PRDM1: variants seen among roughly 807,000 people sequenced by gnomAD.
The protein encoded by PRDM1 is PR/SET domain 1, also known as PR domain zinc finger protein 1.
In PRDM1, 13 loss-of-function variants were observed where a neutral mutation model predicts 62.8. The ratio of observed to expected loss-of-function variants is 0.21; its 90% CI spans 0.13 to 0.33. The LOEUF is 0.33. Among genes scored for constraint, PRDM1 ranks in the 10% least tolerant of loss-of-function variants. The probability of loss-of-function intolerance (pLI) is 1.00; values close to 1 mark genes in which losing one functional copy is unlikely to be tolerated. For missense variants in PRDM1, 895 were observed against 1,058.8 expected (o/e 0.85, Z 2.15); for synonymous variants, 396 against 417.6 (o/e 0.95, Z 0.63).
At chr6:106,090,147 T>A (rs1328635095) in intron 2 of PRDM1, among the ~76,000 whole-genome samples, 1 of 152,204 alleles carries the variant, frequency 6.6e-6, no homozygotes, top group Non-Finnish European at 1.5e-5. Context: ...TTCTGACTTC[T>A]CCAATGAGTG....
intron 1 of PRDM1, among the ~76,000 whole-genome samples, chr6:106,032,533 G>T (rs1772859212): frequency 6.6e-6 from 1 of 152,090 alleles, no homozygotes; most frequent in African/African-American, 2.4e-5. Flanking sequence ...CGCCTCCTGG[G>T]TTCAAGCAAT....
intron 1 of PRDM1, among the ~76,000 whole-genome samples, chr6:106,078,582 A>C (rs79641073): frequency 0.026 from 4,027 of 152,320 alleles, 170 homozygotes; most frequent in African/African-American, 0.091. Flanking sequence ...ACTTAAGTTA[A>C]ACAGCATGGC....
chr6:106,034,627 T>TTCTC lies in PRDM1; in HGVS notation c.-67+40994_-67+40997dup, dbSNP rs759981436. 3.7e-3 allele frequency among the ~76,000 whole-genome samples: 431 copies of TTCTC among 118,070 alleles called. 24 individuals are homozygous for TTCTC. The highest frequency in any genetic ancestry group is 0.016 in the Middle Eastern group (3 of 188). The allele number at this position is 118,070 out of a possible 152,430, so 77.5% of individuals were successfully genotyped here. ...CACTACAGTCTTACAGTCTTTCATG[T>TTCTC]TCTCTCTCTTTTTTTTTTTTTTTTT... is the stretch of plus-strand genomic sequence containing the variant. On this transcript the variant is annotated intron_variant, in intron 1 of 6. Transcript: ENST00000652320.
At chr6:106,062,933 C>G (rs78095969) in intron 1 of PRDM1, among the ~76,000 whole-genome samples, 1 of 152,144 alleles carries the variant, frequency 6.6e-6, no homozygotes, top group Non-Finnish European at 1.5e-5. Context: ...CCCCCAAAAA[C>G]GCCTAAATGA....
At position 106,105,309 on chromosome 6, in the gene PRDM1, G is replaced by A. The variant is rs750515225; in HGVS notation, c.1149G>A (p.Thr383=). 2 of 1,613,158 alleles carry A rather than the reference G, an allele frequency of 1.2e-6. No individual in the cohort carries two copies. Among genetic ancestry groups the A allele is most frequent in the Non-Finnish European group, 1.7e-6 (2 of 1,179,450 alleles). The change falls in exon 5 of 7, where the codon ACG becomes ACA. Residue 383 remains threonine, a synonymous_variant. Transcript: ENST00000369096. ...CTTACTTGAACGCGTCCTACGGCAC[G>A]GAAGGTTTGGGCTCCTACCCTGGCT... ...SYAYLNASYG[T]EGLGSYPGYA...
intron 1 of PRDM1, among the ~76,000 whole-genome samples, chr6:106,016,779 C>A (rs552250597): frequency 6.6e-6 from 1 of 151,484 alleles, no homozygotes; most frequent in Non-Finnish European, 1.5e-5. Flanking sequence ...CCCCGAGTGT[C>A]TGTGATAACA....
chr6:106,062,059 C>T (rs951367332), intron 1 of PRDM1, among the ~76,000 whole-genome samples: 1 of 152,144 alleles, frequency 6.6e-6, no homozygotes, highest in African/African-American at 2.4e-5. Flanking sequence ...TGAATACATT[C>T]ATCAGTGTTG....
intron 1 of PRDM1, among the ~76,000 whole-genome samples, chr6:106,030,571 G>C (rs780269039): frequency 1.3e-5 from 2 of 152,052 alleles, no homozygotes; most frequent in Non-Finnish European, 2.9e-5. Flanking sequence ...TTTGACGGGG[G>C]TGGGGGGCAG....
intron 2 of PRDM1, among the ~76,000 whole-genome samples, 183 bp from the exon 3 acceptor site, chr6:106,095,432 A>G (rs976175431): frequency 6.6e-6 from 1 of 152,226 alleles, no homozygotes; most frequent in Non-Finnish European, 1.5e-5. Context: ...TCAGACTTTA[A>G]AAGATGGTCT....
upstream of PRDM1, among the ~76,000 whole-genome samples, chr6:106,085,802 G>C (rs1773786122): frequency 1.4e-5 from 2 of 138,118 alleles, no homozygotes; most frequent in Non-Finnish European, 3.0e-5. Context: ...AGGAAAGTTA[G>C]TTCTGCCAAG....
intron 1 of PRDM1, among the ~76,000 whole-genome samples, chr6:106,035,925 G>GT (rs2114571383): frequency 6.6e-6 from 1 of 151,996 alleles, no homozygotes; most frequent in African/African-American, 2.4e-5. Flanking sequence ...TCTTTTTTAT[G>GT]TTTTTTAAAT....
At chr6:106,038,120 G>T (rs1424741992) in intron 1 of PRDM1, among the ~76,000 whole-genome samples, 2 of 143,794 alleles carry the variant, frequency 1.4e-5, no homozygotes, top group African/African-American at 5.1e-5. Context: ...GGGTAGCTGG[G>T]ATTACAGGCA....
At position 106,105,670 on chromosome 6, in the gene PRDM1, A is replaced by C. The variant is rs773723044; in HGVS notation, c.1510A>C (p.Ser504Arg). 29 of 1,612,198 alleles carry C rather than the reference A, an allele frequency of 1.8e-5. No homozygotes were observed. Among genetic ancestry groups the C allele is most frequent in the Non-Finnish European group, 2.3e-5 (27 of 1,178,666 alleles). ...SAFSFTGAAA[S>R]MKDKACSPTS... ...CTTCTCCTTTACCGGGGCCGCCGCCAGCATGAAGGACAAGGCCTGTAGCCC... is the reference window on the plus strand; with the variant it reads ...CTTCTCCTTTACCGGGGCCGCCGCCCGCATGAAGGACAAGGCCTGTAGCCC... The change falls in exon 5 of 7, where the codon AGC (serine) becomes CGC (arginine). Residue 504 changes from serine (S) to arginine (R), a missense_variant. Physicochemically the swap from Ser to Arg is moderately radical, Grantham distance 110 (BLOSUM62 -1). Coordinates refer to ENST00000369096, the MANE Select transcript of PRDM1 (RefSeq NM_001198.4).
chr6:106,058,223 G>A (rs552094586), intron 1 of PRDM1, among the ~76,000 whole-genome samples: 1 of 152,296 alleles, frequency 6.6e-6, no homozygotes, highest in African/African-American at 2.4e-5. Context: ...GAGTTCTGGA[G>A]GCTGAGAAGT....
At chr6:106,035,095 A>T (rs895804051) in intron 1 of PRDM1, among the ~76,000 whole-genome samples, 1 of 151,994 alleles carries the variant, frequency 6.6e-6, no homozygotes, top group Admixed American at 6.6e-5. Context: ...CTATTTCCTT[A>T]TTTCTCTCTG....
chr6:106,038,012 G>GTTTTTTTTTTT (rs1302119750), intron 1 of PRDM1, among the ~76,000 whole-genome samples: 34 of 20,486 alleles, frequency 1.7e-3, no homozygotes, highest in Non-Finnish European at 2.2e-3. Flanking sequence ...TGCTATTTTT[G>GTTTTTTTTTTT]TCTTTTTTTT....
chr6:106,094,994 G>T (rs1774057619), intron 2 of PRDM1, among the ~76,000 whole-genome samples: 1 of 141,922 alleles, frequency 7.0e-6, no homozygotes, highest in South Asian at 2.2e-4. Context: ...GGCCAGAGAA[G>T]AACAAAGTTA....
rs115654830 is a variant in PRDM1, at chr6:106,072,520, T to G, written c.-66-15681T>G. On this transcript the variant is annotated intron_variant, in intron 1 of 6. Coordinates refer to the PRDM1 transcript ENST00000651185. ...GAATAGAAGAAGGGAAGAATATATA[T>G]AGAGAGAACAATTCCCTCTTCCTTC... is the stretch of plus-strand genomic sequence containing the variant. 4.7e-3 allele frequency among the ~76,000 whole-genome samples: 710 copies of G among 152,310 alleles called. 4 individuals carry two copies. The highest frequency in any genetic ancestry group is 0.015 in the African/African-American group (610 of 41,566).
rs1397072819 is a variant in PRDM1 at position 106,106,916 on chromosome 6, C to T, written c.1908C>T (p.Cys636=). ...TGEKPHECQV[C]HKRFSSTSNL... is the part of the protein sequence containing the mutation. ...CTCTCTCCCCTACACTGTAGGTCTG[C>T]CACAAGAGATTTAGCAGCACCAGCA... The change falls in exon 7 of 7, where the codon TGC becomes TGT. Residue 636 remains cysteine, a synonymous_variant. Transcript: ENST00000369096. The surrounding 1 kb of genome is among the most constrained non-coding windows in gnomAD (Gnocchi z 4.4). The T allele has an allele frequency of 6.2e-7, 1 of 1,612,228 alleles. No homozygotes were observed.
Sources: allele counts gnomAD v4.1 joint callset (sites outside exome capture counted in the v4.1 genomes callset), GRCh38; gene constraint gnomAD v4.1.1; non-coding constraint Gnocchi (gnomAD v3.1); transcripts MANE v1.5; gene names NCBI Gene and HGNC (gene_info 2026-07-23, HGNC 2026-07-21).